Variants in PTPRM observed in about 807,000 individuals in gnomAD.
PTPRM encodes receptor-type tyrosine-protein phosphatase mu.
Under a neutral mutation model 186.7 loss-of-function variants are expected in PTPRM, and 47 were observed. The observed-to-expected ratio is 0.25, with a 90% CI of 0.20 to 0.32. PTPRM has a LOEUF of 0.32. Among genes scored for constraint, PTPRM ranks in the 10% least tolerant of loss-of-function variants. The pLI, the probability that PTPRM is intolerant of heterozygous loss-of-function variation, is 1.00. For missense variants in PTPRM, 1,494 were observed against 1,865.0 expected, an observed-to-expected ratio of 0.80 and a Z score of 3.66; for synonymous variants, 668 against 674.9, an observed-to-expected ratio of 0.99 and a Z score of 0.16.
intron 31 of PTPRM, among the ~76,000 whole-genome samples, chr18:8,392,306 A>G (rs2095817878): frequency 1.3e-5 from 2 of 152,182 alleles, no homozygotes; most frequent in South Asian, 4.1e-4. Flanking sequence ...TATGATAGTT[A>G]TACTGTGTAC....
At chr18:7,774,322 A>G (rs370524920) in intron 2 of PTPRM, 51 bp downstream of exon 2, 127 of 1,592,764 alleles carry the variant, frequency 8.0e-5, no homozygotes, top group Non-Finnish European at 1.0e-4. Flanking sequence ...AAGAGTCTCA[A>G]TCATACTATG....
At chr18:7,925,243 T>A (rs1314873399) in intron 4 of PTPRM, among the ~76,000 whole-genome samples, 5 of 152,162 alleles carry the variant, frequency 3.3e-5, no homozygotes, top group African/African-American at 1.2e-4. Context: ...AAAGCAGAGA[T>A]CATAGAGTTG....
chr18:8,131,839 TC>T (rs2092518079), intron 13 of PTPRM, among the ~76,000 whole-genome samples: 1 of 152,204 alleles, frequency 6.6e-6, no homozygotes, highest in African/African-American at 2.4e-5. Context: ...AATAACTGTC[TC>T]TGAGAAACAA....
In PTPRM at chr18:8,298,593, G is replaced by A. The variant is rs572192528; in HGVS notation, c.2842+2138G>A. Among the ~76,000 whole-genome samples, 5 of 152,308 alleles carry A rather than the reference G, an allele frequency of 3.3e-5. No homozygotes were observed. The South Asian group carries it at 8.3e-4, about 25-fold the overall frequency. On this transcript the variant is annotated intron_variant, in intron 20 of 32. Transcript: ENST00000580170. ...AGTGAAAAAAGCTAGCATTTGCTGA[G>A]CACTTACATATGCCAGACACTACTC...
chr18:7,837,899 G>A (rs1598977805), intron 2 of PTPRM, among the ~76,000 whole-genome samples: 2 of 152,194 alleles, frequency 1.3e-5, no homozygotes, highest in Admixed American at 6.5e-5. Flanking sequence ...GGTTTTTACT[G>A]TAGTCTTCTC....
At chr18:7,887,935 T>C (rs376162138) in intron 2 of PTPRM, 171 bp from the exon 3 acceptor site, 1 of 802,624 alleles carries the variant, frequency 1.2e-6, no homozygotes, top group Non-Finnish European at 2.2e-6. Context: ...TATAGGGGGA[T>C]GATAGGAGGA....
intron 20 of PTPRM, among the ~76,000 whole-genome samples, chr18:8,307,221 C>A (rs630085): frequency 0.23 from 35,648 of 152,098 alleles, 6,302 homozygotes; most frequent in African/African-American, 0.48. Flanking sequence ...GTGATACTTA[C>A]CTATTTCTTG....
chr18:8,246,644 T>C (rs1279448248), intron 15 of PTPRM, among the ~76,000 whole-genome samples: 1 of 152,234 alleles, frequency 6.6e-6, no homozygotes, highest in Non-Finnish European at 1.5e-5. Context: ...CTCATTTTTT[T>C]CATTCTTATT....
Position 7,635,961 on chromosome 18 carries a change from T to C in PTPRM, c.73+68070T>C, listed in dbSNP as rs149217669. Reference sequence around the variant, plus strand: ...TAAGATTAGTTACTCAGTTTATTTATGTTGTAAATGACTTATTTGGCCATT... The same window carrying C: ...TAAGATTAGTTACTCAGTTTATTTACGTTGTAAATGACTTATTTGGCCATT... On this transcript the variant is annotated intron_variant, in intron 1 of 32. Transcript: ENST00000580170. 5.1e-4 allele frequency among the ~76,000 whole-genome samples: 78 copies of C among 152,366 alleles called. 1 individual carries two copies. The South Asian group carries it at 8.5e-3, about 17-fold the overall frequency.
intron 7 of PTPRM, among the ~76,000 whole-genome samples, chr18:8,000,115 G>A (rs1244145846): frequency 6.6e-6 from 1 of 152,156 alleles, no homozygotes. Context: ...ATTAGGGAGG[G>A]CAATCTGCTT....
intron 2 of PTPRM, among the ~76,000 whole-genome samples, chr18:7,851,247 G>A (rs2099790): frequency 0.66 from 100,996 of 152,038 alleles, 33,901 homozygotes; most frequent in East Asian, 0.89. Context: ...ATACATAATT[G>A]GAGTATCTTC....
chr18:8,322,728 A>G (rs2148093774), intron 22 of PTPRM, among the ~76,000 whole-genome samples: 1 of 152,288 alleles, frequency 6.6e-6, no homozygotes, highest in East Asian at 1.9e-4. Context: ...TGCAAGCTGG[A>G]TGAAGCCACA....
intron 13 of PTPRM, among the ~76,000 whole-genome samples, chr18:8,118,218 A>G (rs772296973): frequency 8.5e-5 from 13 of 152,224 alleles, no homozygotes; most frequent in Non-Finnish European, 1.6e-4. Flanking sequence ...AGATTTTTTC[A>G]TAATATGTTA....
At chr18:7,609,885 T>C (rs1452749291) in intron 1 of PTPRM, among the ~76,000 whole-genome samples, 1 of 152,208 alleles carries the variant, frequency 6.6e-6, no homozygotes, top group South Asian at 2.1e-4. Flanking sequence ...TGATGGCTGC[T>C]AATGAGGGAC....
chr18:7,726,058 C>G (rs752563590), intron 1 of PTPRM, among the ~76,000 whole-genome samples: 1 of 152,246 alleles, frequency 6.6e-6, no homozygotes, highest in East Asian at 1.9e-4. Context: ...CAAAAGCGCT[C>G]GCCCCAGCTC....
At chr18:8,401,936 G>C (rs2095874482) in intron 32 of PTPRM, among the ~76,000 whole-genome samples, 1 of 152,238 alleles carries the variant, frequency 6.6e-6, no homozygotes, top group Admixed American at 6.5e-5. Flanking sequence ...CCAAGGATGT[G>C]AGGAGGACCG....
chr18:7,932,793 A>G (rs1220338385), intron 5 of PTPRM, among the ~76,000 whole-genome samples: 3 of 152,170 alleles, frequency 2.0e-5, no homozygotes, highest in Admixed American at 6.5e-5. Context: ...GCCTTTTAAA[A>G]TGATTCCATA....
intron 2 of PTPRM, among the ~76,000 whole-genome samples, chr18:7,842,930 G>A (rs8088395): frequency 0.039 from 3,922 of 100,826 alleles, 145 homozygotes; most frequent in African/African-American, 0.051. Context: ...GTGTGTGTGT[G>A]TATATATATA....
chr18:7,705,183 A>G (rs947138578), intron 1 of PTPRM, among the ~76,000 whole-genome samples: 2 of 152,166 alleles, frequency 1.3e-5, no homozygotes, highest in Non-Finnish European at 1.5e-5. Context: ...TGAAATAAAT[A>G]TATCAAACGA....
Sources: allele counts gnomAD v4.1 joint callset (sites outside exome capture counted in the v4.1 genomes callset), GRCh38; gene constraint gnomAD v4.1.1; transcripts MANE v1.5; gene names NCBI Gene and HGNC (gene_info 2026-07-23, HGNC 2026-07-21).